Variants in ASXL3 observed in about 807,000 individuals in gnomAD.
The protein encoded by ASXL3 is ASXL transcriptional regulator 3.
Under a neutral mutation model 170.6 loss-of-function variants are expected in ASXL3, and 34 were observed. The ratio of observed to expected loss-of-function variants is 0.20; its 90% CI spans 0.15 to 0.27. The LOEUF (loss-of-function observed/expected upper bound fraction) is 0.27. Among genes scored for constraint, ASXL3 ranks in the 10% least tolerant of loss-of-function variants. The pLI is 1.00. For missense variants in ASXL3, 2,592 were observed against 2,695.3 expected (o/e 0.96, Z 0.85); for synonymous variants, 1,002 against 989.1 (o/e 1.01, Z -0.24).
chr18:33,632,391 A>G (rs573649224), intron 2 of ASXL3, among the ~76,000 whole-genome samples: 1 of 152,320 alleles, frequency 6.6e-6, no homozygotes, highest in African/African-American at 2.4e-5. Flanking sequence ...TACTGTCTGT[A>G]TACTGGTAGC....
At chr18:33,645,640 A>G (rs1005182946) in intron 3 of ASXL3, among the ~76,000 whole-genome samples, 11 of 152,008 alleles carry the variant, frequency 7.2e-5, no homozygotes, top group Non-Finnish European at 1.3e-4. Flanking sequence ...TAATCTACAA[A>G]TGGTTGTGTA....
intron 10 of ASXL3, among the ~76,000 whole-genome samples, chr18:33,734,645 G>C (rs938189209): frequency 3.9e-5 from 6 of 152,054 alleles, no homozygotes; most frequent in Non-Finnish European, 7.4e-5. Context: ...TTTATTTTGG[G>C]CTGAAAATAG....
rs377593747 is a variant in ASXL3 at position 33,744,564 on chromosome 18, G to A, written c.4716G>A (p.Pro1572=). ...TTGTTCCAGATAAATTAAATGAGCCGACTGCTCCCAGTCATAACTTTGCTG... is the reference window on the plus strand; with the variant it reads ...TTGTTCCAGATAAATTAAATGAGCCAACTGCTCCCAGTCATAACTTTGCTG... ...LPLVPDKLNE[P]TAPSHNFAEQ... Residue 1572 remains proline (P), a synonymous_variant, in exon 12 of 12, where the codon CCG becomes CCA. Transcript: ENST00000269197. The A allele has an allele frequency of 1.2e-4, 201 of 1,611,082 alleles. No homozygotes were observed. Among genetic ancestry groups the A allele is most frequent in the African/African-American group, 1.0e-3 (78 of 74,870 alleles).
chr18:33,725,239 C>T (rs574411729), intron 8 of ASXL3, among the ~76,000 whole-genome samples: 7 of 152,160 alleles, frequency 4.6e-5, no homozygotes, highest in Admixed American at 2.0e-4. Context: ...GTTGTCTTTG[C>T]TCTAAAGATC....
chr18:33,702,352 T>C (rs1019798277), intron 8 of ASXL3, among the ~76,000 whole-genome samples: 3 of 152,110 alleles, frequency 2.0e-5, no homozygotes, highest in Admixed American at 6.6e-5. Context: ...CCATATATAC[T>C]ACTCCTCTCT....
At chr18:33,653,000 A>G (rs2066026563) in intron 4 of ASXL3, among the ~76,000 whole-genome samples, 1 of 152,042 alleles carries the variant, frequency 6.6e-6, no homozygotes, top group African/African-American at 2.4e-5. Flanking sequence ...TCATGAGGCA[A>G]TTTTATACAA....
intron 10 of ASXL3, among the ~76,000 whole-genome samples, chr18:33,736,606 T>TCTGTCTGA (rs1366023658): frequency 6.6e-6 from 1 of 152,128 alleles, no homozygotes; most frequent in East Asian, 1.9e-4. Flanking sequence ...GCAGTTAAGA[T>TCTGTCTGA]CTGTCTGATT....
At chr18:33,706,004 T>C (rs1418378088) in intron 8 of ASXL3, among the ~76,000 whole-genome samples, 2 of 151,946 alleles carry the variant, frequency 1.3e-5, no homozygotes, top group East Asian at 3.9e-4. Context: ...ATTCAGTATG[T>C]ACTCTGTTGT....
intron 8 of ASXL3, among the ~76,000 whole-genome samples, chr18:33,721,591 T>C (rs1254768159): frequency 6.6e-6 from 1 of 152,038 alleles, no homozygotes; most frequent in African/African-American, 2.4e-5. Context: ...ACTTTAAAAC[T>C]CCATCATAAC....
Position 33,739,321 on chromosome 18 carries a change from A to G in ASXL3, c.1917A>G (p.Ser639=), listed in dbSNP as rs773825613. 77 of 1,613,392 alleles carry G rather than the reference A, an allele frequency of 4.8e-5. No individual in the cohort carries two copies. Among genetic ancestry groups the G allele is most frequent in the Non-Finnish European group, 4.7e-5 (55 of 1,179,650 alleles). ...GGETQSTSEE[S]CTPASLETTF... ...AAACACAGTCCACATCAGAAGAATC[A>G]TGTACTCCAGCCTCCCTTGAGACAA... Residue 639 remains serine (S), a synonymous_variant, in exon 11 of 12, where the codon TCA becomes TCG. Transcript: ENST00000269197.
At chr18:33,692,155 G>A (rs1245115418) in intron 8 of ASXL3, among the ~76,000 whole-genome samples, 1 of 152,188 alleles carries the variant, frequency 6.6e-6, no homozygotes, top group South Asian at 2.1e-4. Flanking sequence ...AAATGGCTGG[G>A]ATATAATGTG....
At chr18:33,740,758 A>G (rs541596608) in intron 11 of ASXL3, among the ~76,000 whole-genome samples, 1 of 152,196 alleles carries the variant, frequency 6.6e-6, no homozygotes, top group Non-Finnish European at 1.5e-5. Flanking sequence ...ACCTATGTAA[A>G]CCTGGGAAAA....
intron 5 of ASXL3, among the ~76,000 whole-genome samples, chr18:33,664,687 C>T (rs932004307): frequency 2.0e-5 from 3 of 152,148 alleles, no homozygotes; most frequent in Admixed American, 1.3e-4. Context: ...GTCTGAAGGC[C>T]TGTACTTTCT....
At chr18:33,631,380 A>G (rs1432081588) in intron 2 of ASXL3, among the ~76,000 whole-genome samples, 3 of 152,078 alleles carry the variant, frequency 2.0e-5, no homozygotes, top group Non-Finnish European at 4.4e-5. Context: ...CTAATAAATT[A>G]ATCAGTCTTT....
chr18:33,656,299 C>G (rs1409888918), intron 4 of ASXL3, among the ~76,000 whole-genome samples: 1 of 152,008 alleles, frequency 6.6e-6, no homozygotes, highest in East Asian at 1.9e-4. Flanking sequence ...TTGAGCAAAT[C>G]TAGTCTGATT....
chr18:33,721,214 T>G (rs985463143), intron 8 of ASXL3, among the ~76,000 whole-genome samples: 2 of 152,092 alleles, frequency 1.3e-5, no homozygotes, highest in Non-Finnish European at 2.9e-5. Context: ...ATTGATTATA[T>G]CCTCTGCTGA....
At position 33,739,495 on chromosome 18, in the gene ASXL3, CTTACCA is replaced by C; in HGVS notation, c.2095_2100del (p.Pro699_Leu700del). The C allele has an allele frequency of 6.2e-7, 1 of 1,613,922 alleles. No homozygotes were observed. Among genetic ancestry groups the C allele is most frequent in the Non-Finnish European group, 8.5e-7 (1 of 1,179,840 alleles). ...TATCAGAAGCATCTCTTATGTCCAA[CTTACCA>C]TTAACATCTGAAGCATCACCAGTAT... On this transcript the variant is annotated inframe_deletion, in exon 11 of 12. Transcript: ENST00000269197.
intron 5 of ASXL3, among the ~76,000 whole-genome samples, chr18:33,664,468 A>G (rs62092389): frequency 0.082 from 12,499 of 152,232 alleles, 588 homozygotes; most frequent in African/African-American, 0.1. Flanking sequence ...CTGATAACAC[A>G]CACTCAAATA....
At chr18:33,707,980 C>T (rs1044930980) in intron 8 of ASXL3, among the ~76,000 whole-genome samples, 3 of 152,250 alleles carry the variant, frequency 2.0e-5, no homozygotes, top group African/African-American at 7.2e-5. Context: ...CTAGAATGAA[C>T]TTACATACAC....
Sources: allele counts gnomAD v4.1 joint callset (sites outside exome capture counted in the v4.1 genomes callset), GRCh38; gene constraint gnomAD v4.1.1; transcripts MANE v1.5; gene names NCBI Gene and HGNC (gene_info 2026-07-23, HGNC 2026-07-21).